SAXO1: variants seen among roughly 807,000 people sequenced by gnomAD.
SAXO1 encodes stabilizer of axonemal microtubules 1.
Under a neutral mutation model 17.5 loss-of-function variants are expected in SAXO1, and 21 were observed. The observed-to-expected ratio is 1.20, with a 90% CI of 0.85 to 1.72. SAXO1 has a LOEUF of 1.72. Among genes scored for constraint, SAXO1 ranks in the 40% most tolerant of loss-of-function variants. SAXO1 has a pLI of 0.00. For missense variants in SAXO1, 843 were observed against 596.0 expected (o/e 1.41, Z -4.32); for synonymous variants, 274 against 216.5 (o/e 1.27, Z -2.33).
rs1342352247 is a variant in SAXO1 at position 18,999,886 on chromosome 9, A to C, written c.38+32985T>G. On this transcript the variant is annotated intron_variant, in intron 1 of 3. Transcript: ENST00000380534. ...TGGGAAGTGAGGAGTGCCTCTACCC[A>C]GCCGCCCCACCATCTGGGAAGTGAG... Among the ~76,000 whole-genome samples the C allele has an allele frequency of 9.7e-5, 7 of 71,888 alleles. No homozygotes were observed. The East Asian group carries it at 3.2e-3, about 33-fold the overall frequency. 47.2% of individuals were successfully genotyped at this position (71,888 alleles called of 152,430 possible). A position where few individuals can be genotyped will look rare whatever the true frequency, so the allele number is the denominator to read the frequency against.
intron 1 of SAXO1, among the ~76,000 whole-genome samples, chr9:18,960,474 C>A (rs1334617522): frequency 6.6e-6 from 1 of 152,144 alleles, no homozygotes; most frequent in Non-Finnish European, 1.5e-5. Flanking sequence ...TCTTCCTGGA[C>A]CCCCTGTCAG....
intron 3 of SAXO1, among the ~76,000 whole-genome samples, chr9:18,938,825 T>TGCGTGC (rs1563929689): frequency 1.3e-5 from 1 of 77,750 alleles, no homozygotes; most frequent in Non-Finnish European, 3.0e-5. Flanking sequence ...TGCGTGCGTG[T>TGCGTGC]GTGTGTGTGT....
intron 1 of SAXO1, among the ~76,000 whole-genome samples, chr9:18,997,320 G>A (rs967836343): frequency 6.6e-6 from 1 of 152,268 alleles, no homozygotes; most frequent in Non-Finnish European, 1.5e-5. Flanking sequence ...CAGGTCACAT[G>A]CCCACAGAGC....
At chr9:18,933,192 G>A (rs1470576780) in intron 3 of SAXO1, among the ~76,000 whole-genome samples, 3 of 152,158 alleles carry the variant, frequency 2.0e-5, no homozygotes, top group African/African-American at 7.2e-5. Context: ...CCTTTATCAG[G>A]CTGAGGAAGT....
rs1326504894 is a variant in SAXO1 at position 19,002,680 on chromosome 9, A to G, written c.38+30191T>C. Among the ~76,000 whole-genome samples the G allele has an allele frequency of 2.0e-5, 3 of 152,250 alleles. No homozygotes were observed. The East Asian group carries it at 5.8e-4, about 29-fold the overall frequency. On this transcript the variant is annotated intron_variant, in intron 1 of 3. Transcript: ENST00000380534. ...TCAATAGATGCAGAAAAGGCCTTCAATAAAATTCAACACCCCTTCATGCTA... is the reference window on the plus strand; with the variant it reads ...TCAATAGATGCAGAAAAGGCCTTCAGTAAAATTCAACACCCCTTCATGCTA...
At chr9:19,013,392 G>T (rs897949702) in intron 1 of SAXO1, among the ~76,000 whole-genome samples, 1 of 152,122 alleles carries the variant, frequency 6.6e-6, no homozygotes, top group African/African-American at 2.4e-5. Flanking sequence ...GGAGGGGAAA[G>T]TTTCACAGTA....
intron 1 of SAXO1, among the ~76,000 whole-genome samples, chr9:19,002,243 G>C (rs1273216497): frequency 6.6e-6 from 1 of 152,050 alleles, no homozygotes; most frequent in East Asian, 1.9e-4. Context: ...CTGAAATTGA[G>C]GCAGTAATAG....
At position 18,937,251 on chromosome 9, in the gene SAXO1, C is replaced by T. The variant is rs185168519; in HGVS notation, c.421+4386G>A. On this transcript the variant is annotated intron_variant, in intron 3 of 3. Coordinates refer to ENST00000380534, the MANE Select transcript of SAXO1 (RefSeq NM_153707.4). ...GTAAGTGGCATGGGCCTTCTCAATC[C>T]TCACTTCTGCTCCTGGCCAGGACCC... is the stretch of plus-strand genomic sequence containing the variant. Among the ~76,000 whole-genome samples, 38 of 152,310 alleles carry T rather than the reference C, an allele frequency of 2.5e-4. No homozygotes were observed. The East Asian group carries it at 4.4e-3, about 18-fold the overall frequency.
At chr9:18,974,322 C>T (rs73431231) in intron 1 of SAXO1, among the ~76,000 whole-genome samples, 6,419 of 152,226 alleles carry the variant, frequency 0.042, 390 homozygotes, top group African/African-American at 0.13. Flanking sequence ...TGCAGAGATA[C>T]GGAAACAGTT....
In SAXO1 at chr9:18,928,314, C is replaced by T. The variant is rs149400984; in HGVS notation, c.1163G>A (p.Ser388Asn). 1.2e-6 allele frequency: 2 copies of T among 1,613,110 alleles called. No homozygotes were observed. The highest frequency in any genetic ancestry group is 1.3e-5 in the African/African-American group (1 of 74,824). ...YVPHLPINTKSCKPHWSGPRG... is the reference protein window; with the variant it reads ...YVPHLPINTKNCKPHWSGPRG... ...AGGGCCAGACCAATGAGGCTTACAG[C>T]TTTTGGTATTGATAGGCAGGTGGGG... The change falls in exon 4 of 4, where the codon AGC becomes AAC. Residue 388 changes from serine to asparagine, a missense_variant. Coordinates refer to ENST00000380534, the MANE Select transcript of SAXO1 (RefSeq NM_153707.4).
chr9:18,982,699 A>G (rs781371673), intron 1 of SAXO1, among the ~76,000 whole-genome samples: 1 of 152,302 alleles, frequency 6.6e-6, no homozygotes, highest in Non-Finnish European at 1.5e-5. Flanking sequence ...CATTACATTC[A>G]CCTACATTAA....
intron 1 of SAXO1, among the ~76,000 whole-genome samples, chr9:18,991,483 G>A (rs140047458): frequency 8.1e-4 from 124 of 152,152 alleles, no homozygotes; most frequent in African/African-American, 2.6e-3. Context: ...ACCAAACACC[G>A]TACATTCTCA....
intron 1 of SAXO1, among the ~76,000 whole-genome samples, chr9:19,029,424 G>C (rs16937286): frequency 0.29 from 43,711 of 151,964 alleles, 7,124 homozygotes; most frequent in African/African-American, 0.45. Flanking sequence ...CGCTGTCTCT[G>C]ACTTCTTCAT....
At chr9:18,999,043 T>C (rs1385024450) in intron 1 of SAXO1, among the ~76,000 whole-genome samples, 1 of 152,214 alleles carries the variant, frequency 6.6e-6, no homozygotes, top group South Asian at 2.1e-4. Context: ...AGAAACTGCA[T>C]CAATTAATGT....
chr9:18,987,168 G>C (rs1833625887), intron 1 of SAXO1, among the ~76,000 whole-genome samples: 1 of 152,186 alleles, frequency 6.6e-6, no homozygotes, highest in Non-Finnish European at 1.5e-5. Flanking sequence ...GATGTTACTG[G>C]AGACAGTGTC....
intron 2 of SAXO1, among the ~76,000 whole-genome samples, chr9:18,944,971 A>G (rs1831727481): frequency 6.6e-6 from 1 of 152,192 alleles, no homozygotes. Flanking sequence ...GGCCAAAGCC[A>G]ACCTCTCTCA....
At position 19,032,952 on chromosome 9, in the gene SAXO1, G is replaced by A. The variant is rs746944812; in HGVS notation, c.-44C>T. ...CTGACGTCCCCTCAGAGCATCGCCA[G>A]CTGCAGCCGACTCCTAGACCCCAAC... On this transcript the variant is annotated 5_prime_UTR_variant, in exon 1 of 4. Coordinates refer to ENST00000380534, the MANE Select transcript of SAXO1 (RefSeq NM_153707.4). The A allele has an allele frequency of 1.1e-5, 17 of 1,584,752 alleles. No homozygotes were observed. In the South Asian group the frequency reaches 1.6e-4, roughly 15 times the overall value.
chr9:19,048,489 A>G (rs1209478650), intron 1 of SAXO1, among the ~76,000 whole-genome samples: 6 of 149,414 alleles, frequency 4.0e-5, no homozygotes, highest in Admixed American at 4.0e-4. Context: ...AGGTAGATAC[A>G]GAGGCTTCAG....
At chr9:18,974,428 A>G (rs1833057751) in intron 1 of SAXO1, among the ~76,000 whole-genome samples, 1 of 152,254 alleles carries the variant, frequency 6.6e-6, no homozygotes. Flanking sequence ...GTGAACAATC[A>G]GACCTTGGTT....
Sources: gnomAD v4.1 joint callset for allele counts (sites outside exome capture counted in the v4.1 genomes callset) on GRCh38, gnomAD v4.1.1 for gene constraint, MANE v1.5 for transcripts, NCBI Gene and HGNC (gene_info 2026-07-23, HGNC 2026-07-21) for gene names.